Variants in CYBB observed in about 807,000 individuals in gnomAD.
The protein encoded by CYBB is cytochrome b-245 beta chain, also known as NADPH oxidase 2.
In CYBB, 5 loss-of-function variants were observed where a neutral mutation model predicts 46.5. The ratio of observed to expected loss-of-function variants is 0.11; its 90% confidence interval spans 0.06 to 0.23. The LOEUF (loss-of-function observed/expected upper bound fraction) is 0.23, where lower values mean the gene tolerates loss of function less well. CYBB is among the 10% of genes least tolerant of loss of function. CYBB has a pLI of 1.00. For missense variants in CYBB, 307 were observed against 428.3 expected, an observed-to-expected ratio of 0.72 and a Z score of 2.50; for synonymous variants, 183 against 156.7, an observed-to-expected ratio of 1.17 and a Z score of -1.26.
Position 37,811,306 on chromosome X carries a change from C to G in CYBB, c.*389C>G, listed in dbSNP as rs1602186485. ...TTGATACTCTTTCCACAATACTGAGCTGCCTCAGAATCCTCAAAATCAGTT... is the reference window on the plus strand; with the variant it reads ...TTGATACTCTTTCCACAATACTGAGGTGCCTCAGAATCCTCAAAATCAGTT... On this transcript the variant is annotated 3_prime_UTR_variant, in exon 13 of 13. Coordinates refer to ENST00000378588, the MANE Select transcript of CYBB (RefSeq NM_000397.4). The G allele has an allele frequency of 6.7e-6, 1 of 149,274 alleles. No homozygotes were observed. Among genetic ancestry groups the G allele is most frequent in the Middle Eastern group, 3.2e-3 (1 of 317 alleles). The allele number at this position is 149,274 out of a possible 1,213,427, so 12.3% of individuals were successfully genotyped here.
intron 3 of CYBB, among the ~76,000 whole-genome samples, chrX:37,784,824 T>A (rs782175947): frequency 5.4e-5 from 6 of 111,973 alleles, no homozygotes; most frequent in Non-Finnish European, 1.1e-4. Context: ...GGCAGATGCC[T>A]GACATAAGGC....
chrX:37,805,861 C>T (rs1929550454), intron 10 of CYBB, among the ~76,000 whole-genome samples: 1 of 111,909 alleles, frequency 8.9e-6, no homozygotes, highest in Admixed American at 9.5e-5. Flanking sequence ...CTAAATAAAC[C>T]TCAGGCCATT....
At chrX:37,808,128 A>G (rs1556472266) in intron 11 of CYBB, among the ~76,000 whole-genome samples, 1 of 112,252 alleles carries the variant, frequency 8.9e-6, no homozygotes, top group Non-Finnish European at 1.9e-5. Flanking sequence ...TTGTGCTGCT[A>G]TAACAAAACA....
chrX:37,783,540 C>T lies in CYBB; in HGVS notation c.192C>T (p.Cys64=). ...CTGCAGCCTGCCTGAATTTCAACTG[C>T]ATGCTGATTCTCTTGCCAGTCTGTC... ...RAPAACLNFN[C]MLILLPVCRN... The change falls in exon 3 of 13, where the codon TGC becomes TGT. Residue 64 remains cysteine (C), a synonymous_variant. Transcript: ENST00000378588. The T allele has an allele frequency of 8.3e-7, 1 of 1,210,363 alleles. No individual in the cohort carries two copies. Among genetic ancestry groups the T allele is most frequent in the Non-Finnish European group, 1.1e-6 (1 of 894,011 alleles).
rs1422347517 is a variant in CYBB at position 37,805,493 on chromosome X, T to C, written c.1314+325T>C. Among the ~76,000 whole-genome samples, 6 of 112,089 alleles carry C rather than the reference T, an allele frequency of 5.4e-5. No individual in the cohort carries two copies. In the Admixed American group the frequency reaches 5.7e-4, roughly 11 times the overall value. On this transcript the variant is annotated intron_variant, in intron 10 of 12. Transcript: ENST00000378588. ...ATATTCTCTTCTAATATTTTCCATG[T>C]TTACATATTTTTAGAAGGTTGTAAA...
At chrX:37,801,873 C>A (rs182225913) in intron 8 of CYBB, among the ~76,000 whole-genome samples, 133 of 110,377 alleles carry the variant, frequency 1.2e-3, no homozygotes, top group African/African-American at 4.1e-3. Context: ...AGTTGAAGTG[C>A]CCAAAATTTC....
chrX:37,782,014 T>C, intron 1 of CYBB, 74 bp from the exon 2 acceptor site: 2 of 878,888 alleles, frequency 2.3e-6, no homozygotes, highest in Non-Finnish European at 3.4e-6. Context: ...TCCTGACCCT[T>C]ATCTGACTCC....
intron 8 of CYBB, 97 bp from the exon 9 acceptor site, chrX:37,803,780 A>G: frequency 1.1e-6 from 1 of 907,030 alleles, no homozygotes; most frequent in Non-Finnish European, 1.6e-6. Context: ...CAGAGATCTA[A>G]GTGGGCCAAT....
chrX:37,810,998 C>T lies in CYBB; in HGVS notation c.*81C>T. The T allele has an allele frequency of 1.0e-6, 1 of 953,310 alleles. No individual in the cohort carries two copies. Among genetic ancestry groups the T allele is most frequent in the East Asian group, 3.3e-5 (1 of 30,451 alleles). 78.6% of individuals were successfully genotyped at this position (953,310 alleles called of 1,213,427 possible). A position where few individuals can be genotyped will look rare whatever the true frequency, so the allele number is the denominator to read the frequency against. ...TGCTAATTGATAATATAAATACCCC[C>T]TGCTTAAAAATGGACAAAAAGAAAC... On this transcript the variant is annotated 3_prime_UTR_variant, in exon 13 of 13. Transcript: ENST00000378588.
Position 37,795,950 on chromosome X carries a change from G to T in CYBB, c.484-1G>T. On this transcript the variant is annotated splice_acceptor_variant, in intron 5 of 12. Coordinates refer to ENST00000378588, the MANE Select transcript of CYBB (RefSeq NM_000397.4). LOFTEE classifies it high-confidence loss of function. ...TGTGTGTGTGTGTTTATATTTTACA[G>T]AACCCTGAAGGAGGCCTGTACCTGG... The T allele has an allele frequency of 8.8e-7, 1 of 1,138,610 alleles. No homozygotes were observed. 93.8% of individuals were successfully genotyped at this position (1,138,610 alleles called of 1,213,427 possible).
Position 37,793,651 on chromosome X carries a change from T to C in CYBB, c.338-14T>C. The C allele has an allele frequency of 8.3e-7, 1 of 1,207,492 alleles. No individual in the cohort carries two copies. The highest frequency in any genetic ancestry group is 1.1e-6 in the Non-Finnish European group (1 of 893,150). On this transcript the variant is annotated splice_polypyrimidine_tract_variant and intron_variant, in intron 4 of 12. Transcript: ENST00000378588. The stretch of plus-strand genomic sequence containing the variant: ...CCCTTCATTCTCTTTGTTTCTCTTC[T>C]CTGCCCTTTTCAGCGATTCACACCA...
At chrX:37,795,525 T>G (rs1461189511) in intron 5 of CYBB, among the ~76,000 whole-genome samples, 1 of 111,960 alleles carries the variant, frequency 8.9e-6, no homozygotes, top group Non-Finnish European at 1.9e-5. Flanking sequence ...GATCTGCTTC[T>G]GGGGAGCACA....
At chrX:37,810,272 G>T (rs1556472910) in intron 12 of CYBB, among the ~76,000 whole-genome samples, 1 of 111,972 alleles carries the variant, frequency 8.9e-6, no homozygotes. Context: ...AGTGCCTGGG[G>T]ATCTCTTTAA....
intron 11 of CYBB, among the ~76,000 whole-genome samples, chrX:37,806,866 CTCTG>C (rs1358468734): frequency 1.6e-4 from 17 of 105,531 alleles, no homozygotes; most frequent in Non-Finnish European, 3.2e-4. Flanking sequence ...CTGTCTCTCT[CTCTG>C]TCTCTCTGTC....
At chrX:37,785,538 A>G (rs1929047912) in intron 3 of CYBB, among the ~76,000 whole-genome samples, 1 of 111,913 alleles carries the variant, frequency 8.9e-6, no homozygotes, top group African/African-American at 3.3e-5. Flanking sequence ...CATTTGCTAA[A>G]TGAAGCCCAT....
At chrX:37,785,174 A>G (rs1929036508) in intron 3 of CYBB, among the ~76,000 whole-genome samples, 1 of 110,719 alleles carries the variant, frequency 9.0e-6, no homozygotes, top group African/African-American at 3.4e-5. Context: ...CTAAAGTACA[A>G]GTTGGCAGAA....
Position 37,813,149 on chromosome X carries a change from C to A in CYBB, c.*2232C>A, listed in dbSNP as rs979085969. On this transcript the variant is annotated 3_prime_UTR_variant, in exon 13 of 13. Coordinates refer to ENST00000378588, the MANE Select transcript of CYBB (RefSeq NM_000397.4). ...AGAGTGCTTGTCATTATAAAAGTTTCCTTTTTTATTCTCTCAAGCCACCAG... is the reference window on the plus strand; with the variant it reads ...AGAGTGCTTGTCATTATAAAAGTTTACTTTTTTATTCTCTCAAGCCACCAG... 1 of 108,306 alleles carries A rather than the reference C, an allele frequency of 9.2e-6. No homozygotes were observed. Among genetic ancestry groups the A allele is most frequent in the Non-Finnish European group, 1.9e-5 (1 of 52,515 alleles). The allele number at this position is 108,306 out of a possible 1,213,427, so 8.9% of individuals were successfully genotyped here. A position where few individuals can be genotyped will look rare whatever the true frequency, so the allele number is the denominator to read the frequency against.
At chrX:37,790,060 T>C (rs1929162926) in intron 3 of CYBB, among the ~76,000 whole-genome samples, 1 of 111,976 alleles carries the variant, frequency 8.9e-6, no homozygotes, top group Non-Finnish European at 1.9e-5. Flanking sequence ...TGGCAGTTGG[T>C]GGTTGAACAC....
intron 7 of CYBB, among the ~76,000 whole-genome samples, chrX:37,800,940 T>C (rs1929424434): frequency 8.9e-6 from 1 of 112,385 alleles, no homozygotes; most frequent in East Asian, 2.8e-4. Flanking sequence ...TGCTTTGTTA[T>C]AGGGTTACTG....
Sources: gnomAD v4.1 joint callset for allele counts (sites outside exome capture counted in the v4.1 genomes callset) on GRCh38, gnomAD v4.1.1 for gene constraint, MANE v1.5 for transcripts, NCBI Gene and HGNC (gene_info 2026-07-23, HGNC 2026-07-21) for gene names.